AP3D1: variants seen among roughly 807,000 people sequenced by gnomAD.
AP3D1 encodes adaptor related protein complex 3 subunit delta 1, also known as AP-3 complex subunit delta-1.
In AP3D1, 51 loss-of-function variants were observed where a neutral mutation model predicts 147.6. The ratio of observed to expected loss-of-function variants is 0.35; its 90% CI spans 0.28 to 0.44. The LOEUF is 0.44. AP3D1 is among the 20% of genes least tolerant of loss of function. AP3D1 has a pLI of 1.00. For missense variants in AP3D1, 1,421 were observed against 1,624.2 expected, an observed-to-expected ratio of 0.87 and a Z score of 2.15; for synonymous variants, 760 against 663.0, an observed-to-expected ratio of 1.15 and a Z score of -2.25.
rs571513580 is a variant in AP3D1 at position 2,129,382 on chromosome 19, G to A, written c.668C>T (p.Pro223Leu). ...RNPKNYLSLA[P>L]LFFKLMTSST... Reference sequence around the variant, plus strand: ...GGACGTCATCAGCTTGAAAAAGAGCGGGGCCAGGGACAGGTAGTTCTTAGG... The same window carrying A: ...GGACGTCATCAGCTTGAAAAAGAGCAGGGCCAGGGACAGGTAGTTCTTAGG... The change falls in exon 7 of 32, where the codon CCG (proline) becomes CTG (leucine). Residue 223 changes from proline (P) to leucine (L), a missense_variant. Around this residue, in one of 6 missense-constraint regions of AP3D1, gnomAD observed 292 missense variants for 412.0 expected, o/e 0.71. Transcript: ENST00000643116. 1.1e-5 allele frequency: 17 copies of A among 1,614,126 alleles called. No homozygotes were observed. The highest frequency in any genetic ancestry group is 8.9e-5 in the East Asian group (4 of 44,868).
chr19:2,143,718 G>A (rs949794950), intron 1 of AP3D1, among the ~76,000 whole-genome samples: 11 of 151,930 alleles, frequency 7.2e-5, no homozygotes, highest in Non-Finnish European at 1.2e-4. Flanking sequence ...AGGGGGCCGC[G>A]ATCGCACCAC....
Position 2,148,885 on chromosome 19 carries a change from T to C in AP3D1, c.96+2354A>G, listed in dbSNP as rs558993207. Among the ~76,000 whole-genome samples the C allele has an allele frequency of 2.2e-4, 34 of 152,320 alleles. No homozygotes were observed. The South Asian group carries it at 7.0e-3, about 32-fold the overall frequency. ...AAACTTTTTTTGGAAACTATACTGC[T>C]GCAGAAAATGCGCACACTGTCTAGA... On this transcript the variant is annotated intron_variant, in intron 1 of 31. Transcript: ENST00000643116.
At chr19:2,162,179 G>C (rs1392425515) in intron 1 of AP3D1, among the ~76,000 whole-genome samples, 1 of 150,854 alleles carries the variant, frequency 6.6e-6, no homozygotes, top group African/African-American at 2.4e-5. Context: ...TGGGACTACA[G>C]GCACGAGTCA....
At chr19:2,138,071 T>G (rs916136568) in intron 2 of AP3D1, among the ~76,000 whole-genome samples, 10 of 152,212 alleles carry the variant, frequency 6.6e-5, no homozygotes, top group Non-Finnish European at 1.3e-4. Flanking sequence ...CGCTTACGGG[T>G]ACTGGCTACA....
At chr19:2,104,898 C>T (rs2018068373) in intron 31 of AP3D1, among the ~76,000 whole-genome samples, 1 of 151,868 alleles carries the variant, frequency 6.6e-6, no homozygotes, top group Non-Finnish European at 1.5e-5. Flanking sequence ...TGATCTTGAC[C>T]TCCAGGGCTC....
chr19:2,141,955 C>T (rs766591907), intron 1 of AP3D1, among the ~76,000 whole-genome samples: 30 of 149,484 alleles, frequency 2.0e-4, no homozygotes, highest in East Asian at 1.2e-3. Context: ...TTTATTTTTG[C>T]ATATATTTAT....
At chr19:2,121,453 G>A in intron 12 of AP3D1, 142 bp from the exon 13 acceptor site, 1 of 1,193,780 alleles carries the variant, frequency 8.4e-7, no homozygotes, top group African/African-American at 1.5e-5. Context: ...GGAGGCAGCA[G>A]GCCCCTGCGA....
intron 1 of AP3D1, among the ~76,000 whole-genome samples, chr19:2,140,792 C>T (rs2019200887): frequency 3.5e-5 from 5 of 141,002 alleles, no homozygotes; most frequent in African/African-American, 1.3e-4. Context: ...CGGAGTCTCG[C>T]TCTGATGCCA....
intron 13 of AP3D1, 24 bp from the exon 14 acceptor site, chr19:2,121,116 A>G: frequency 6.2e-7 from 1 of 1,613,518 alleles, no homozygotes; most frequent in Non-Finnish European, 8.5e-7. Context: ...GCGGTGAGTG[A>G]GCGGCGCCAC....
chr19:2,154,542 G>A (rs1052060511), upstream of AP3D1, among the ~76,000 whole-genome samples: 2 of 152,190 alleles, frequency 1.3e-5, no homozygotes, highest in African/African-American at 2.4e-5. Context: ...CTCCCAAAGT[G>A]CTGGGAATAC....
At chr19:2,156,621 C>T (rs149110946) in intron 1 of AP3D1, among the ~76,000 whole-genome samples, 4,444 of 152,044 alleles carry the variant, frequency 0.029, 97 homozygotes, top group Middle Eastern at 0.088. Context: ...GAGGTTGAGG[C>T]GGGTGGATCA....
rs56694471 is a variant in AP3D1 at position 2,138,843 on chromosome 19, C to T, written c.97-129G>A. 0.051 allele frequency: 33,115 copies of T among 644,196 alleles called. 1,790 individuals carry two copies. The highest frequency in any genetic ancestry group is 0.18 in the East Asian group (6,063 of 33,318). 39.9% of individuals were successfully genotyped at this position (644,196 alleles called of 1,614,324 possible). The stretch of plus-strand genomic sequence containing the variant: ...TTGGGAGGCCGAGGCAGGCAGATCA[C>T]GAGGTCGGGAGTTTGAGATCATCCT... On this transcript the variant is annotated intron_variant, in intron 1 of 31. Coordinates refer to ENST00000643116, the MANE Select transcript of AP3D1 (RefSeq NM_001261826.3).
rs764883354 is a variant in AP3D1 at position 2,102,192 on chromosome 19, G to A, written c.3629C>T (p.Ala1210Val). ...LLSNLLEEMK[A>V]TLAKC ...CAGCTCTCAACACTTGGCCAGCGTC[G>A]CCTTCATCTCTTCTAACAAGTTGCT... Residue 1210 changes from alanine to valine, a missense_variant, in exon 32 of 32, where the codon GCG becomes GTG. Physicochemically the swap from Ala to Val is moderately conservative, Grantham distance 64 (BLOSUM62 0). Around this residue, in one of 6 missense-constraint regions of AP3D1, gnomAD observed 17 missense variants for 17.5 expected, o/e 0.97. Coordinates refer to ENST00000643116, the MANE Select transcript of AP3D1 (RefSeq NM_001261826.3). 8 of 1,613,748 alleles carry A rather than the reference G, an allele frequency of 5.0e-6. No individual in the cohort carries two copies. In the South Asian group the frequency reaches 6.6e-5, roughly 13 times the overall value.
At position 2,116,635 on chromosome 19, in the gene AP3D1, C is replaced by A. The variant is rs369324823; in HGVS notation, c.1971G>T (p.Pro657=). 1 of 1,602,054 alleles carries A rather than the reference C, an allele frequency of 6.2e-7. No individual in the cohort carries two copies. The highest frequency in any genetic ancestry group is 8.5e-7 in the Non-Finnish European group (1 of 1,174,814). ...CCAGCTCTTCCTCGTCCGCCTCCGACGGCCGGTGCTTGGGACGCCGCTGCT... is the reference window on the plus strand; with the variant it reads ...CCAGCTCTTCCTCGTCCGCCTCCGAAGGCCGGTGCTTGGGACGCCGCTGCT... ...EEEQRRPKHR[P]SEADEEELAR... Residue 657 remains proline (P), a synonymous_variant, in exon 17 of 32, where the codon CCG becomes CCT. Coordinates refer to ENST00000643116, the MANE Select transcript of AP3D1 (RefSeq NM_001261826.3).
intron 22 of AP3D1, 68 bp downstream of exon 22, chr19:2,114,057 C>T: frequency 6.6e-7 from 1 of 1,504,544 alleles, no homozygotes; most frequent in East Asian, 2.4e-5. Context: ...GAGCTCACCG[C>T]TGTCTCCTGG....
At chr19:2,130,688 G>T in intron 5 of AP3D1, 151 bp from the exon 6 acceptor site, 1 of 1,258,226 alleles carries the variant, frequency 7.9e-7, no homozygotes, top group Non-Finnish European at 1.1e-6. Context: ...CCAGCATCTT[G>T]GATGGCATGG....
chr19:2,148,856 A>G (rs2019431254), intron 1 of AP3D1, among the ~76,000 whole-genome samples: 1 of 152,216 alleles, frequency 6.6e-6, no homozygotes, highest in Non-Finnish European at 1.5e-5. Context: ...CTATTACGAA[A>G]TGGAAACTTT....
At chr19:2,108,923 G>A in intron 30 of AP3D1, 157 bp from the exon 31 acceptor site, 1 of 1,311,568 alleles carries the variant, frequency 7.6e-7, no homozygotes, top group Non-Finnish European at 1.0e-6. Context: ...TGTGGGGAAT[G>A]CAGCCCCCGC....
intron 8 of AP3D1, 87 bp from the exon 9 acceptor site, chr19:2,127,288 G>C (rs956086309): frequency 1.4e-6 from 2 of 1,438,110 alleles, no homozygotes; most frequent in Non-Finnish European, 1.9e-6. Flanking sequence ...AGCTGGAGAC[G>C]GCCTCCGCCC....
Sources: allele counts gnomAD v4.1 joint callset (sites outside exome capture counted in the v4.1 genomes callset), GRCh38; gene constraint gnomAD v4.1.1; regional missense constraint gnomAD v4.1.1; transcripts MANE v1.5; gene names NCBI Gene and HGNC (gene_info 2026-07-23, HGNC 2026-07-21).